The following FRMD4A variants were observed in gnomAD, a reference collection of about 807,000 sequenced individuals.
The protein encoded by FRMD4A is FERM domain containing 4A.
A neutral mutation model predicts 129.1 loss-of-function variants in FRMD4A; 29 were observed. The observed-to-expected ratio is 0.22, with a 90% CI of 0.17 to 0.31. FRMD4A has a LOEUF of 0.31. FRMD4A is among the 10% of genes least tolerant of loss of function. FRMD4A has a pLI of 1.00. For missense variants in FRMD4A, 1,272 were observed against 1,375.8 expected, an observed-to-expected ratio of 0.92 and a Z score of 1.19; for synonymous variants, 634 against 571.6, an observed-to-expected ratio of 1.11 and a Z score of -1.56.
intron 2 of FRMD4A, among the ~76,000 whole-genome samples, chr10:14,070,368 AACT>A (rs1281701978): frequency 6.6e-6 from 1 of 152,150 alleles, no homozygotes; most frequent in Non-Finnish European, 1.5e-5. Flanking sequence ...TGACAACCTC[AACT>A]ACAATCCGCA....
At chr10:14,237,026 G>A (rs1002913644) in intron 2 of FRMD4A, among the ~76,000 whole-genome samples, 2 of 138,918 alleles carry the variant, frequency 1.4e-5, no homozygotes, top group African/African-American at 5.6e-5. Flanking sequence ...AAAAAAATCG[G>A]TTTTTAAAAC....
chr10:14,219,923 C>T (rs1843193657), intron 2 of FRMD4A, among the ~76,000 whole-genome samples: 1 of 152,126 alleles, frequency 6.6e-6, no homozygotes, highest in African/African-American at 2.4e-5. Context: ...AAGTACATTT[C>T]CCCCTAATTC....
chr10:13,693,685 C>CTTTTTTTTTTTTTTTTTTT, intron 15 of FRMD4A: 1 of 603,096 alleles, frequency 1.7e-6, no homozygotes, highest in Non-Finnish European at 2.9e-6. Flanking sequence ...TCTACTGATG[C>CTTTTTTTTTTTTTTTTTTT]TTTTTTTTTT....
chr10:13,814,670 C>CA (rs2093511211), intron 3 of FRMD4A, among the ~76,000 whole-genome samples: 1 of 133,564 alleles, frequency 7.5e-6, no homozygotes, highest in South Asian at 2.4e-4. Context: ...AAACAGAGAG[C>CA]AAGAGAAAGA....
intron 24 of FRMD4A, chr10:13,648,104 A>C (rs2134351624): frequency 6.6e-6 from 1 of 152,336 alleles, no homozygotes; most frequent in Admixed American, 6.5e-5. Context: ...GATGTTGTAA[A>C]TGTTTCTCAT....
At chr10:14,173,853 G>A (rs1841597991) in intron 2 of FRMD4A, among the ~76,000 whole-genome samples, 1 of 151,534 alleles carries the variant, frequency 6.6e-6, no homozygotes, top group South Asian at 2.1e-4. Context: ...CCCTCAGATC[G>A]CGCTGCCGTG....
intron 2 of FRMD4A, among the ~76,000 whole-genome samples, chr10:14,292,842 T>C (rs1845891490): frequency 6.6e-6 from 1 of 152,154 alleles, no homozygotes; most frequent in Non-Finnish European, 1.5e-5. Context: ...TAGGAGTTTA[T>C]GATCTTCAGG....
intron 3 of FRMD4A, among the ~76,000 whole-genome samples, chr10:13,858,412 G>A (rs961558804): frequency 6.6e-6 from 1 of 152,160 alleles, no homozygotes; most frequent in Non-Finnish European, 1.5e-5. Context: ...TTCAGTCTGG[G>A]CAACAAGAGC....
chr10:14,201,092 G>A (rs1400005067), intron 2 of FRMD4A, among the ~76,000 whole-genome samples: 1 of 152,146 alleles, frequency 6.6e-6, no homozygotes, highest in African/African-American at 2.4e-5. Context: ...CAGTGTTCAG[G>A]CCCACAGACC....
Position 14,275,895 on chromosome 10 carries a change from G to C in FRMD4A, c.45+54163C>G, listed in dbSNP as rs77734978. On this transcript the variant is annotated intron_variant, in intron 2 of 24. Transcript: ENST00000357447. ...CTCTACAAAAAACACAAAAATTAGC[G>C]AGGAGTAGTGATGCATGCCTGCAGT... 1.2e-4 allele frequency among the ~76,000 whole-genome samples: 19 copies of C among 152,222 alleles called. No individual in the cohort carries two copies. In the East Asian group the frequency reaches 3.3e-3, roughly 26 times the overall value.
At chr10:14,249,039 C>A (rs1844340985) in intron 2 of FRMD4A, among the ~76,000 whole-genome samples, 1 of 152,102 alleles carries the variant, frequency 6.6e-6, no homozygotes, top group Non-Finnish European at 1.5e-5. Context: ...TTACAGATGA[C>A]AAAACTGAGG....
intron 2 of FRMD4A, among the ~76,000 whole-genome samples, chr10:14,191,739 T>G (rs924956130): frequency 6.6e-6 from 1 of 152,036 alleles, no homozygotes; most frequent in African/African-American, 2.4e-5. Flanking sequence ...ATTTCCAGCC[T>G]CAGAATATAT....
At chr10:13,843,487 A>G (rs7097221) in intron 3 of FRMD4A, among the ~76,000 whole-genome samples, 27,670 of 152,076 alleles carry the variant, frequency 0.18, 2,770 homozygotes, top group South Asian at 0.28. Flanking sequence ...TCACGATGGG[A>G]AGAAAGTCTC....
At chr10:13,802,355 G>C (rs2093273871) in intron 4 of FRMD4A, among the ~76,000 whole-genome samples, 1 of 152,188 alleles carries the variant, frequency 6.6e-6, no homozygotes, top group South Asian at 2.1e-4. Context: ...CCCAGGGGGA[G>C]AATGACACTG....
chr10:14,070,335 CTCAGA>C (rs1835261301), intron 2 of FRMD4A, among the ~76,000 whole-genome samples: 2 of 152,198 alleles, frequency 1.3e-5, no homozygotes, highest in African/African-American at 4.8e-5. Flanking sequence ...TAATTTACAG[CTCAGA>C]TAAGTGACAC....
intron 2 of FRMD4A, among the ~76,000 whole-genome samples, chr10:14,185,822 C>T (rs910113258): frequency 1.1e-4 from 16 of 152,078 alleles, no homozygotes; most frequent in Non-Finnish European, 2.1e-4. Flanking sequence ...GTAGACAGGG[C>T]AGGGCCCAGT....
At position 13,652,048 on chromosome 10, in the gene FRMD4A, A is replaced by C; in HGVS notation, c.3051-74T>G. On this transcript the variant is annotated intron_variant, in intron 23 of 24. Transcript: ENST00000357447. Reference sequence around the variant, plus strand: ...GAGAGACACTGACACAGACACAGACACGATTAGTAGCTTATTAATATATCC... The same window carrying C: ...GAGAGACACTGACACAGACACAGACCCGATTAGTAGCTTATTAATATATCC... The C allele has an allele frequency of 1.8e-5, 15 of 825,578 alleles. No individual in the cohort carries two copies. In the South Asian group the frequency reaches 2.0e-4, roughly 11 times the overall value. The allele number at this position is 825,578 out of a possible 1,614,324, so 51.1% of individuals were successfully genotyped here.
chr10:14,174,142 C>A (rs1487957931), intron 2 of FRMD4A, among the ~76,000 whole-genome samples: 1 of 151,966 alleles, frequency 6.6e-6, no homozygotes, highest in African/African-American at 2.4e-5. Flanking sequence ...TGTCGGGAGC[C>A]GTGGTGGCTC....
intron 13 of FRMD4A, among the ~76,000 whole-genome samples, chr10:13,705,290 G>A (rs1461991643): frequency 2.0e-5 from 3 of 152,126 alleles, no homozygotes; most frequent in Non-Finnish European, 4.4e-5. Context: ...ATATCCCTGG[G>A]CTTTGGTAAA....
Sources: allele counts gnomAD v4.1 joint callset (sites outside exome capture counted in the v4.1 genomes callset), GRCh38; gene constraint gnomAD v4.1.1; transcripts MANE v1.5; gene names NCBI Gene and HGNC (gene_info 2026-07-23, HGNC 2026-07-21).